The following USP37 variants were observed in gnomAD, a reference collection of about 807,000 sequenced individuals.
The protein encoded by USP37 is ubiquitin carboxyl-terminal hydrolase 37.
Under a neutral mutation model 124.0 loss-of-function variants are expected in USP37, and 27 were observed. That is an observed-to-expected ratio of 0.22 (90% confidence interval 0.16 to 0.30). USP37 has a LOEUF of 0.30. USP37 is among the 10% of genes least tolerant of loss of function. The pLI is 1.00. For synonymous variants in USP37, 365 were observed against 388.0 expected (o/e 0.94, Z 0.70); for missense variants, 889 against 1,140.4 (o/e 0.78, Z 3.17).
In USP37 at chr2:218,459,904, C is replaced by T; in HGVS notation, c.2529G>A (p.Glu843=). The change falls in exon 23 of 26, where the codon GAG becomes GAA. Residue 843 remains glutamate, a splice_region_variant and synonymous_variant. Coordinates refer to ENST00000258399, the MANE Select transcript of USP37 (RefSeq NM_020935.3). ...ATGCATCCACAAAGGAGTTGTTAAA[C>T]TCTGAAGAATACAAAGACAAAATCT... ...LKRATELSLQ[E]FNNSFVDALG... is the part of the protein sequence containing the mutation. 1 of 1,610,840 alleles carries T rather than the reference C, an allele frequency of 6.2e-7. No homozygotes were observed. Among genetic ancestry groups the T allele is most frequent in the Non-Finnish European group, 8.5e-7 (1 of 1,177,832 alleles).
chr2:218,492,305 C>G (rs1011506576), intron 14 of USP37, among the ~76,000 whole-genome samples: 1 of 151,972 alleles, frequency 6.6e-6, no homozygotes, highest in Non-Finnish European at 1.5e-5. Flanking sequence ...GCACTATGAT[C>G]CTGGTGTTTT....
At chr2:218,527,067 C>T (rs370759357) in intron 10 of USP37, among the ~76,000 whole-genome samples, 4 of 152,122 alleles carry the variant, frequency 2.6e-5, no homozygotes, top group Admixed American at 2.6e-4. Flanking sequence ...GGACCACAGG[C>T]GTGAGCCACC....
chr2:218,546,370 A>G (rs1692323423), intron 7 of USP37, 72 bp from the exon 8 acceptor site: 2 of 1,036,938 alleles, frequency 1.9e-6, no homozygotes, highest in Admixed American at 4.3e-5. Context: ...AAATCAACAT[A>G]CTGAAGGACA....
intron 3 of USP37, 22 bp from the exon 4 acceptor site, chr2:218,558,699 T>G: frequency 6.5e-7 from 1 of 1,530,730 alleles, no homozygotes. Context: ...AGCAAAAATA[T>G]ACCTTTACCT....
intron 3 of USP37, among the ~76,000 whole-genome samples, chr2:218,560,078 CAAGTA>C (rs748633213): frequency 2.6e-5 from 4 of 151,474 alleles, no homozygotes; most frequent in African/African-American, 4.9e-5. Flanking sequence ...CAAAAGTCAA[CAAGTA>C]AATAAAATTA....
intron 6 of USP37, 45 bp downstream of exon 6, chr2:218,549,764 A>G (rs373172759): frequency 5.1e-5 from 81 of 1,579,772 alleles, no homozygotes; most frequent in Middle Eastern, 1.7e-4. Flanking sequence ...GTGCCTGGCC[A>G]ACTATCATTT....
At chr2:218,456,624 C>A (rs757999850) in intron 24 of USP37, among the ~76,000 whole-genome samples, 5 of 152,114 alleles carry the variant, frequency 3.3e-5, no homozygotes, top group Non-Finnish European at 5.9e-5. Flanking sequence ...CCTATTAACA[C>A]AATGCACATT....
chr2:218,507,052 C>A (rs1050089344), intron 11 of USP37, among the ~76,000 whole-genome samples: 1 of 152,036 alleles, frequency 6.6e-6, no homozygotes, highest in Non-Finnish European at 1.5e-5. Context: ...CCTGCCTTGG[C>A]CTCCCAAAGT....
Position 218,485,747 on chromosome 2 carries a change from T to G in USP37, c.1591-4A>C, listed in dbSNP as rs374435715. The G allele has an allele frequency of 7.5e-6, 12 of 1,607,518 alleles. No homozygotes were observed. Among genetic ancestry groups the G allele is most frequent in the Non-Finnish European group, 1.0e-5 (12 of 1,178,308 alleles). Reference sequence around the variant, plus strand: ...AAGAATACTCCAGTTCTTCGGCCTATAAAAAGAAGGAAAAATAAAGCATGA... The same window carrying G: ...AAGAATACTCCAGTTCTTCGGCCTAGAAAAAGAAGGAAAAATAAAGCATGA... On this transcript the variant is annotated splice_polypyrimidine_tract_variant and splice_region_variant and intron_variant, in intron 15 of 25. Coordinates refer to ENST00000258399, the MANE Select transcript of USP37 (RefSeq NM_020935.3).
chr2:218,547,079 T>C lies in USP37; in HGVS notation c.442A>G (p.Arg148Gly), dbSNP rs763275922. The change falls in exon 7 of 26, where the codon AGA becomes GGA. Residue 148 changes from arginine (R) to glycine (G), a missense_variant. By Grantham distance (125) the Arg-to-Gly change is moderately radical. Transcript: ENST00000258399. ...SYSDNQASAK[R>G]GSLETKDDIP... ...TCATCTTTAGTTTCCAAACTTCCTC[T>C]TTTTGCAGAAGCCTGTAAAAATAAA... 1 of 1,595,778 alleles carries C rather than the reference T, an allele frequency of 6.3e-7. No homozygotes were observed. Among genetic ancestry groups the C allele is most frequent in the South Asian group, 1.2e-5 (1 of 86,900 alleles).
intron 16 of USP37, among the ~76,000 whole-genome samples, chr2:218,482,744 C>CA (rs1691330458): frequency 6.6e-6 from 1 of 152,054 alleles, no homozygotes; most frequent in African/African-American, 2.4e-5. Flanking sequence ...GGAGGAAATA[C>CA]AAAACTTTTC....
chr2:218,562,730 C>A lies in USP37; in HGVS notation c.-146G>T, dbSNP rs1331181855. On this transcript the variant is annotated 5_prime_UTR_variant, in exon 2 of 26. Coordinates refer to ENST00000258399, the MANE Select transcript of USP37 (RefSeq NM_020935.3). Reference sequence around the variant, plus strand: ...AATAGCAATTCACCTTTATTCTGATCCTTGTGCCAAAGGCAAAGCACTCTT... The same window carrying A: ...AATAGCAATTCACCTTTATTCTGATACTTGTGCCAAAGGCAAAGCACTCTT... 1 of 398,492 alleles carries A rather than the reference C, an allele frequency of 2.5e-6. No individual in the cohort carries two copies. Among genetic ancestry groups the A allele is most frequent in the Non-Finnish European group, 4.4e-6 (1 of 226,076 alleles). 24.7% of individuals were successfully genotyped at this position (398,492 alleles called of 1,614,324 possible). A position where few individuals can be genotyped will look rare whatever the true frequency, so the allele number is the denominator to read the frequency against.
chr2:218,544,418 T>TAGAGAG (rs1692192068), intron 8 of USP37, among the ~76,000 whole-genome samples: 1 of 50,826 alleles, frequency 2.0e-5, no homozygotes, highest in Admixed American at 2.5e-4. Context: ...TATATATATA[T>TAGAGAG]ATATATATAT....
chr2:218,484,687 A>G (rs1691457649), intron 16 of USP37, among the ~76,000 whole-genome samples: 1 of 152,140 alleles, frequency 6.6e-6, no homozygotes, highest in Admixed American at 6.5e-5. Flanking sequence ...TTTTCTAGAA[A>G]GGAGTAGATT....
chr2:218,505,036 A>G (rs1416200488), intron 11 of USP37, among the ~76,000 whole-genome samples: 1 of 152,106 alleles, frequency 6.6e-6, no homozygotes, highest in Non-Finnish European at 1.5e-5. Flanking sequence ...TTGGGGGGAA[A>G]TAGTGTCTCA....
intron 20 of USP37, among the ~76,000 whole-genome samples, chr2:218,467,092 G>A (rs1690369401): frequency 6.6e-6 from 1 of 151,970 alleles, no homozygotes; most frequent in Admixed American, 6.6e-5. Context: ...AATCAAACAA[G>A]CATTGTATAT....
intron 10 of USP37, among the ~76,000 whole-genome samples, chr2:218,520,791 C>T (rs539984411): frequency 2.0e-5 from 3 of 152,172 alleles, no homozygotes; most frequent in Admixed American, 6.6e-5. Context: ...CTCCCTGCAA[C>T]CTTTACTTGA....
chr2:218,469,468 G>T (rs534702794), intron 20 of USP37, among the ~76,000 whole-genome samples: 35 of 152,150 alleles, frequency 2.3e-4, no homozygotes, highest in Non-Finnish European at 4.6e-4. Context: ...GGTTGATATT[G>T]CTATTTTAGA....
At chr2:218,530,169 C>A (rs1242414078) in intron 9 of USP37, 129 bp from the exon 10 acceptor site, 5 of 654,742 alleles carry the variant, frequency 7.6e-6, no homozygotes, top group Admixed American at 3.1e-5. Context: ...TACAGGAATA[C>A]CTCATTTTAT....
Sources: allele counts gnomAD v4.1 joint callset (sites outside exome capture counted in the v4.1 genomes callset), GRCh38; gene constraint gnomAD v4.1.1; transcripts MANE v1.5; gene names NCBI Gene and HGNC (gene_info 2026-07-23, HGNC 2026-07-21).